ARPIN: variants seen among roughly 807,000 people sequenced by gnomAD.
The protein encoded by ARPIN is UPF0552 protein C15orf38.
Under a neutral mutation model 25.9 loss-of-function variants are expected in ARPIN, and 23 were observed. That is an observed-to-expected ratio of 0.89 (90% CI 0.64 to 1.26). ARPIN has a LOEUF of 1.26. Among genes scored for constraint, ARPIN ranks in the 50% most tolerant of loss-of-function variants. ARPIN has a pLI of 0.00. For missense variants in ARPIN, 333 were observed against 312.2 expected (o/e 1.07, Z -0.50); for synonymous variants, 126 against 131.4 (o/e 0.96, Z 0.28).
intron 3 of ARPIN, among the ~76,000 whole-genome samples, chr15:89,904,229 C>G (rs963480387): frequency 2.0e-5 from 3 of 152,172 alleles, no homozygotes; most frequent in African/African-American, 7.2e-5. Flanking sequence ...CATCACCTCT[C>G]CGTACCCGAA....
In ARPIN at chr15:89,901,258, C is replaced by T. The variant is rs1391529199; in HGVS notation, c.*537G>A. 1 of 160,508 alleles carries T rather than the reference C, an allele frequency of 6.2e-6. No homozygotes were observed. The highest frequency in any genetic ancestry group is 1.4e-5 in the Non-Finnish European group (1 of 73,820). 9.9% of individuals were successfully genotyped at this position (160,508 alleles called of 1,614,324 possible). A position where few individuals can be genotyped will look rare whatever the true frequency, so the allele number is the denominator to read the frequency against. ...GAGGAAGAGCCCCGCTAACTTCTCTCAGCTGCTCTGCATTTAGACAAGGGA... is the reference window on the plus strand; with the variant it reads ...GAGGAAGAGCCCCGCTAACTTCTCTTAGCTGCTCTGCATTTAGACAAGGGA... On this transcript the variant is annotated 3_prime_UTR_variant, in exon 6 of 6. Transcript: ENST00000357484.
At chr15:89,902,446 T>C (rs540858952) in intron 5 of ARPIN, among the ~76,000 whole-genome samples, 3 of 152,034 alleles carry the variant, frequency 2.0e-5, no homozygotes, top group African/African-American at 7.2e-5. Flanking sequence ...AATGTTCATT[T>C]TGGGGCCTTA....
chr15:89,907,342 A>G lies in ARPIN; in HGVS notation c.301+938T>C, dbSNP rs1352700424. Among the ~76,000 whole-genome samples, 3 of 152,258 alleles carry G rather than the reference A, an allele frequency of 2.0e-5. No individual in the cohort carries two copies. The East Asian group carries it at 5.8e-4, about 29-fold the overall frequency. On this transcript the variant is annotated intron_variant, in intron 3 of 5. Coordinates refer to ENST00000357484, the MANE Select transcript of ARPIN (RefSeq NM_182616.4). ...CTCGGCCTCCCAAAGTGCTGGGATT[A>G]TAGGCATGAGCCACCACACTCACCC...
chr15:89,902,848 A>C (rs566291162), intron 5 of ARPIN: 1 of 1,171,580 alleles, frequency 8.5e-7, no homozygotes, highest in South Asian at 2.0e-5. Flanking sequence ...CCCAAACCAA[A>C]GGAGGAAAAA....
At chr15:89,907,714 G>A (rs376826283) in intron 3 of ARPIN, among the ~76,000 whole-genome samples, 8 of 152,082 alleles carry the variant, frequency 5.3e-5, no homozygotes, top group African/African-American at 1.9e-4. Context: ...GAGGAGGGAG[G>A]ATCACTTGAA....
chr15:89,908,080 A>G (rs565675115), intron 3 of ARPIN, among the ~76,000 whole-genome samples, 200 bp downstream of exon 3: 2 of 152,194 alleles, frequency 1.3e-5, no homozygotes, highest in East Asian at 3.9e-4. Context: ...GGCCCCTGGA[A>G]TGGAGGGGAG....
chr15:89,912,663 T>TTGGGGGCCCC, intron 1 of ARPIN, 81 bp downstream of exon 1: 11 of 871,058 alleles, frequency 1.3e-5, no homozygotes, highest in South Asian at 3.2e-5. Context: ...CCCACCCGCA[T>TTGGGGGCCCC]CCCACCCCCC....
At position 89,898,749 on chromosome 15, in the gene ARPIN, A is replaced by G. The variant is rs1420439661; in HGVS notation, c.*3046T>C. 6.6e-6 allele frequency: 1 copy of G among 152,158 alleles called. No homozygotes were observed. Among genetic ancestry groups the G allele is most frequent in the African/African-American group, 2.4e-5 (1 of 41,430 alleles). The allele number at this position is 152,158 out of a possible 1,614,324, so 9.4% of individuals were successfully genotyped here. ...TTGTATTAAGGAATTTGAACTTTTC[A>G]TCTGGGGAGTAATAGGATCCAGTCT... On this transcript the variant is annotated 3_prime_UTR_variant, in exon 6 of 6. Coordinates refer to ENST00000357484, the MANE Select transcript of ARPIN (RefSeq NM_182616.4).
intron 3 of ARPIN, among the ~76,000 whole-genome samples, chr15:89,907,371 A>G (rs1222865258): frequency 2.0e-5 from 3 of 152,074 alleles, no homozygotes; most frequent in African/African-American, 7.2e-5. Context: ...CTCACCCTAA[A>G]ATTTTTTTAA....
In ARPIN at chr15:89,901,383, C is replaced by T. The variant is rs1424404188; in HGVS notation, c.*412G>A. ...TACAAACAAAGCTGCTATCCAGGGCCAGGGTCAACATGAGGCTGGGTGCAG... is the reference window on the plus strand; with the variant it reads ...TACAAACAAAGCTGCTATCCAGGGCTAGGGTCAACATGAGGCTGGGTGCAG... On this transcript the variant is annotated 3_prime_UTR_variant, in exon 6 of 6. Transcript: ENST00000357484. The T allele has an allele frequency of 1.4e-5, 3 of 217,666 alleles. No individual in the cohort carries two copies. Among genetic ancestry groups the T allele is most frequent in the Non-Finnish European group, 2.7e-5 (3 of 109,722 alleles). 13.5% of individuals were successfully genotyped at this position (217,666 alleles called of 1,614,324 possible).
Position 89,900,870 on chromosome 15 carries a change from G to A in ARPIN, c.*925C>T, listed in dbSNP as rs979593803. 1.6e-4 allele frequency: 24 copies of A among 150,706 alleles called. No individual in the cohort carries two copies. The highest frequency in any genetic ancestry group is 4.6e-4 in the African/African-American group (19 of 40,976). 9.3% of individuals were successfully genotyped at this position (150,706 alleles called of 1,614,324 possible). A position where few individuals can be genotyped will look rare whatever the true frequency, so the allele number is the denominator to read the frequency against. On this transcript the variant is annotated 3_prime_UTR_variant, in exon 6 of 6. Transcript: ENST00000357484. The stretch of plus-strand genomic sequence containing the variant: ...TGACAATAACCCAGTAAGGGTGGAG[G>A]AATTCCTTTCTGAAGATTTACTCAT...
At chr15:89,912,505 C>T (rs1454235457) in intron 1 of ARPIN, 10 of 1,293,316 alleles carry the variant, frequency 7.7e-6, no homozygotes, top group Non-Finnish European at 9.8e-6. Flanking sequence ...TCGGGACCCT[C>T]TCTCGAGGGC....
At position 89,901,644 on chromosome 15, in the gene ARPIN, G is replaced by A. The variant is rs187386331; in HGVS notation, c.*151C>T. On this transcript the variant is annotated 3_prime_UTR_variant, in exon 6 of 6. Coordinates refer to ENST00000357484, the MANE Select transcript of ARPIN (RefSeq NM_182616.4). ...TGGTCATGGGTTTGGTTTTAGCAGA[G>A]CTTGTTCAAAGAGTATTCCAAGGTG... 5.3e-6 allele frequency: 5 copies of A among 938,780 alleles called. No homozygotes were observed. In the Admixed American group the frequency reaches 6.7e-5, roughly 13 times the overall value. 58.2% of individuals were successfully genotyped at this position (938,780 alleles called of 1,614,324 possible).
In ARPIN at chr15:89,900,587, T is replaced by C. The variant is rs896469539; in HGVS notation, c.*1208A>G. On this transcript the variant is annotated 3_prime_UTR_variant, in exon 6 of 6. Transcript: ENST00000357484. ...AAGTGCTTAGCACAAGTATGAGTAA[T>C]TATTATCATGGAAATCATCTAGCAT... The C allele has an allele frequency of 5.9e-5, 9 of 152,198 alleles. No homozygotes were observed. Among genetic ancestry groups the C allele is most frequent in the Non-Finnish European group, 1.3e-4 (9 of 68,034 alleles). The allele number at this position is 152,198 out of a possible 1,614,324, so 9.4% of individuals were successfully genotyped here.
intron 2 of ARPIN, among the ~76,000 whole-genome samples, chr15:89,909,605 G>C (rs944100598): frequency 6.6e-6 from 1 of 152,208 alleles, no homozygotes; most frequent in African/African-American, 2.4e-5. Context: ...TTTCTGAGCA[G>C]CAGTGAGACC....
rs774999370 is a variant in ARPIN, at chr15:89,903,311, C to T, written c.577G>A (p.Ala193Thr). The T allele has an allele frequency of 1.2e-6, 2 of 1,614,226 alleles. No individual in the cohort carries two copies. Among genetic ancestry groups the T allele is most frequent in the Admixed American group, 1.7e-5 (1 of 60,018 alleles). ...GCCATGATGTTGTCTGTCCAGGATG[C>T]CCCTGTCTTTCCATCACCAGTGAAA... ...CNFTGDGKTG[A>T]SWTDNIMAQK... Residue 193 changes from alanine to threonine, a missense_variant, in exon 5 of 6, where the codon GCA becomes ACA. Coordinates refer to ENST00000357484, the MANE Select transcript of ARPIN (RefSeq NM_182616.4).
chr15:89,903,229 T>G lies in ARPIN; in HGVS notation c.659A>C (p.Glu220Ala), dbSNP rs1242396458. The change falls in exon 5 of 6, where the codon GAG (glutamate) becomes GCG (alanine). Residue 220 changes from glutamate (E) to alanine (A), a missense_variant. Transcript: ENST00000357484. ...AEIREQGDGA[E>A]DEEWDD The stretch of plus-strand genomic sequence containing the variant: ...CCAGGTACCTACCCACTCCTCGTCC[T>G]CTGCCCCATCCCCCTGCTCTCGGAT... 5 of 1,614,100 alleles carry G rather than the reference T, an allele frequency of 3.1e-6. No homozygotes were observed. The highest frequency in any genetic ancestry group is 4.2e-6 in the Non-Finnish European group (5 of 1,180,040).
At chr15:89,902,210 A>G (rs1029306056) in intron 5 of ARPIN, among the ~76,000 whole-genome samples, 1 of 151,922 alleles carries the variant, frequency 6.6e-6, no homozygotes, top group African/African-American at 2.4e-5. Context: ...GGAATTCGAG[A>G]CCAACCAGCC....
chr15:89,910,576 G>A (rs1429554139), intron 2 of ARPIN, among the ~76,000 whole-genome samples, 168 bp downstream of exon 2: 1 of 152,156 alleles, frequency 6.6e-6, no homozygotes, highest in African/African-American at 2.4e-5. Context: ...TCTTCCAGCT[G>A]GTGGTCCCAT....
Sources: allele counts gnomAD v4.1 joint callset (sites outside exome capture counted in the v4.1 genomes callset), GRCh38; gene constraint gnomAD v4.1.1; transcripts MANE v1.5; gene names NCBI Gene and HGNC (gene_info 2026-07-23, HGNC 2026-07-21).